ROCK2: variants seen among roughly 807,000 people sequenced by gnomAD.
ROCK2 encodes rho-associated protein kinase 2.
A neutral mutation model predicts 195.1 loss-of-function variants in ROCK2; 61 were observed. That is an observed-to-expected ratio of 0.31 (90% CI 0.25 to 0.39). ROCK2 has a LOEUF of 0.39. Ranked by LOEUF, ROCK2 falls within the 10% of genes least tolerant of loss-of-function variation. The probability of loss-of-function intolerance (pLI) is 1.00; values close to 1 mark genes in which losing one functional copy is unlikely to be tolerated. For synonymous variants in ROCK2, 504 were observed against 545.5 expected (o/e 0.92, Z 1.06); for missense variants, 1,109 against 1,637.4 (o/e 0.68, Z 5.57).
At chr2:11,269,284 G>A (rs1424314216) in intron 3 of ROCK2, among the ~76,000 whole-genome samples, 1 of 152,142 alleles carries the variant, frequency 6.6e-6, no homozygotes, top group Non-Finnish European at 1.5e-5. Context: ...GGCTGAGGCA[G>A]GCGGATCACC....
chr2:11,276,374 T>C (rs1376982122), intron 3 of ROCK2, among the ~76,000 whole-genome samples: 1 of 152,198 alleles, frequency 6.6e-6, no homozygotes, highest in African/African-American at 2.4e-5. Flanking sequence ...TATATTTCTA[T>C]ACACTAAAAA....
rs1572278823 is a variant in ROCK2 at position 11,233,033 on chromosome 2, G to C, written c.723+2669C>G. Reference sequence around the variant, plus strand: ...GTTTGAGATCAGCCTAGGCAACATAGAGAGATACTGTCTCTATGAAATATT... The same window carrying C: ...GTTTGAGATCAGCCTAGGCAACATACAGAGATACTGTCTCTATGAAATATT... On this transcript the variant is annotated intron_variant, in intron 5 of 32. Transcript: ENST00000315872. 4.6e-5 allele frequency among the ~76,000 whole-genome samples: 7 copies of C among 152,050 alleles called. No homozygotes were observed. The South Asian group carries it at 1.2e-3, about 27-fold the overall frequency.
chr2:11,299,129 C>T (rs1667628521), intron 1 of ROCK2, among the ~76,000 whole-genome samples: 1 of 151,522 alleles, frequency 6.6e-6, no homozygotes, highest in Non-Finnish European at 1.5e-5. Context: ...CAAAAATTAG[C>T]CGGGTGTGGT....
At position 11,249,794 on chromosome 2, in the gene ROCK2, C is replaced by G. The variant is rs1434029280; in HGVS notation, c.329G>C (p.Arg110Pro). Residue 110 changes from arginine (R) to proline (P), a missense_variant, in exon 4 of 33, where the codon CGT (arginine) becomes CCT (proline). By Grantham distance (103) the Arg-to-Pro change is moderately radical (BLOSUM62 -2). Around this residue, in one of 6 missense-constraint regions of ROCK2, gnomAD observed 253 missense variants for 455.5 expected, o/e 0.56. Coordinates refer to ENST00000315872, the MANE Select transcript of ROCK2 (RefSeq NM_004850.5). ...RGAFGEVQLVRHKASQKVYAM... is the reference protein window; with the variant it reads ...RGAFGEVQLVPHKASQKVYAM... ...ATAAACCTTCTGCGATGCCTTGTGA[C>G]GAACCTGTTGATTTTTGAAAACACA... 6.6e-7 allele frequency: 1 copy of G among 1,509,846 alleles called. No homozygotes were observed. The highest frequency in any genetic ancestry group is 2.4e-5 in the East Asian group (1 of 41,810). 93.5% of individuals were successfully genotyped at this position (1,509,846 alleles called of 1,614,324 possible). A position where few individuals can be genotyped will look rare whatever the true frequency, so the allele number is the denominator to read the frequency against.
intron 1 of ROCK2, among the ~76,000 whole-genome samples, chr2:11,336,299 A>C (rs1454371965): frequency 6.6e-6 from 1 of 152,236 alleles, no homozygotes; most frequent in Admixed American, 6.5e-5. Context: ...CACCCAGGCT[A>C]AAGTGCAGCA....
intron 1 of ROCK2, among the ~76,000 whole-genome samples, chr2:11,328,897 T>C (rs558294973): frequency 7.6e-6 from 1 of 130,722 alleles, no homozygotes; most frequent in Admixed American, 8.2e-5. Flanking sequence ...AAGGGGAACA[T>C]CACACTCTGG....
chr2:11,308,062 G>A (rs901154159), intron 1 of ROCK2: 1 of 1,604,990 alleles, frequency 6.2e-7, no homozygotes, highest in Non-Finnish European at 8.5e-7. Flanking sequence ...CAGCGCTGGG[G>A]CGCCAGTTTT....
At chr2:11,326,918 T>C (rs1436028354) in intron 1 of ROCK2, among the ~76,000 whole-genome samples, 1 of 152,170 alleles carries the variant, frequency 6.6e-6, no homozygotes, top group African/African-American at 2.4e-5. Context: ...GGGGAGACCA[T>C]CCGGGGAGGA....
chr2:11,209,067 A>G (rs1472829306), intron 18 of ROCK2, among the ~76,000 whole-genome samples: 2 of 152,114 alleles, frequency 1.3e-5, no homozygotes, highest in Non-Finnish European at 2.9e-5. Flanking sequence ...GGTTTCTTAT[A>G]TTCTACTGCT....
At chr2:11,299,388 G>C (rs1667638075) in intron 1 of ROCK2, among the ~76,000 whole-genome samples, 1 of 151,814 alleles carries the variant, frequency 6.6e-6, no homozygotes. Flanking sequence ...ACTTTTTAAG[G>C]CACAACCAAG....
intron 1 of ROCK2, among the ~76,000 whole-genome samples, chr2:11,322,181 T>A (rs902676740): frequency 6.6e-6 from 1 of 152,122 alleles, no homozygotes; most frequent in Non-Finnish European, 1.5e-5. Flanking sequence ...TAAATTTCCG[T>A]TATTTAAGCC....
chr2:11,332,239 GT>G (rs1370428345), intron 1 of ROCK2, among the ~76,000 whole-genome samples: 1 of 151,964 alleles, frequency 6.6e-6, no homozygotes, highest in Non-Finnish European at 1.5e-5. Context: ...TCATAACAAG[GT>G]TTTAAAAAAA....
Position 11,227,297 on chromosome 2 carries a change from A to G in ROCK2, c.825T>C (p.Cys275=). The G allele has an allele frequency of 6.2e-7, 1 of 1,613,864 alleles. No homozygotes were observed. Among genetic ancestry groups the G allele is most frequent in the East Asian group, 2.2e-5 (1 of 44,852 alleles). ...GGAAAACACCTACAGACCACCAATC[A>G]CATTCTCGCCCATAGAAACCATCAC... is the stretch of plus-strand genomic sequence containing the variant. ...QGGDGFYGRE[C]DWWSVGVFLY... Residue 275 remains cysteine (C), a synonymous_variant, in exon 6 of 33, where the codon TGT becomes TGC. Transcript: ENST00000315872.
chr2:11,342,285 T>G (rs756216394), intron 1 of ROCK2, among the ~76,000 whole-genome samples: 1 of 152,184 alleles, frequency 6.6e-6, no homozygotes, highest in Non-Finnish European at 1.5e-5. Context: ...TAAAAGTGTG[T>G]TTTGGCTGTA....
chr2:11,333,804 C>A (rs1668840453), intron 1 of ROCK2, among the ~76,000 whole-genome samples: 1 of 152,124 alleles, frequency 6.6e-6, no homozygotes, highest in African/African-American at 2.4e-5. Flanking sequence ...AAGTGCAATT[C>A]CAACACAGGC....
intron 4 of ROCK2, among the ~76,000 whole-genome samples, chr2:11,236,423 G>A (rs1387500961): frequency 6.6e-6 from 1 of 151,892 alleles, no homozygotes; most frequent in Non-Finnish European, 1.5e-5. Flanking sequence ...ACAAGAAGAG[G>A]GAATAAGCCC....
chr2:11,227,797 T>G (rs1429542708), intron 5 of ROCK2, among the ~76,000 whole-genome samples: 1 of 152,128 alleles, frequency 6.6e-6, no homozygotes, highest in African/African-American at 2.4e-5. Context: ...CTTTCATATT[T>G]CCAGAATAAA....
intron 1 of ROCK2, among the ~76,000 whole-genome samples, chr2:11,337,029 G>C (rs1416042245): frequency 2.0e-5 from 3 of 152,170 alleles, no homozygotes; most frequent in African/African-American, 7.2e-5. Flanking sequence ...GATCACTTGA[G>C]GTCAGGAGTT....
chr2:11,301,123 T>C (rs1282102752), intron 1 of ROCK2, among the ~76,000 whole-genome samples: 3 of 152,156 alleles, frequency 2.0e-5, no homozygotes, highest in Non-Finnish European at 2.9e-5. Context: ...AAGAAAAAGT[T>C]TGTACCATTA....
Sources: allele counts gnomAD v4.1 joint callset (sites outside exome capture counted in the v4.1 genomes callset), GRCh38; gene constraint gnomAD v4.1.1; regional missense constraint gnomAD v4.1.1; transcripts MANE v1.5; gene names NCBI Gene and HGNC (gene_info 2026-07-23, HGNC 2026-07-21).